The following HECA variants were observed in gnomAD, a reference collection of about 807,000 sequenced individuals.
HECA encodes HECA ribonucleoprotein granule regulator.
HECA carries 13 observed loss-of-function variants against 37.6 expected under a neutral mutation model. The observed-to-expected ratio is 0.35, with a 90% confidence interval of 0.23 to 0.55. The LOEUF (loss-of-function observed/expected upper bound fraction) is 0.55. Ranked by LOEUF, HECA falls within the 20% of genes least tolerant of loss-of-function variation. The pLI is 0.90. For missense variants in HECA, 527 were observed against 701.9 expected (o/e 0.75, Z 2.82); for synonymous variants, 307 against 291.5 (o/e 1.05, Z -0.54).
rs1357000887 is a variant in HECA at position 139,178,281 on chromosome 6, G to C, written c.*1176G>C. ...ATAGAACTTGATTAGTCAGAGCATTGGGCATTCCAAAATACAGCCTTTGGT... is the reference window on the plus strand; with the variant it reads ...ATAGAACTTGATTAGTCAGAGCATTCGGCATTCCAAAATACAGCCTTTGGT... On this transcript the variant is annotated 3_prime_UTR_variant, in exon 4 of 4. Coordinates refer to ENST00000367658, the MANE Select transcript of HECA (RefSeq NM_016217.3). The C allele has an allele frequency of 6.6e-6, 1 of 152,058 alleles. No individual in the cohort carries two copies. Among genetic ancestry groups the C allele is most frequent in the East Asian group, 1.9e-4 (1 of 5,192 alleles). The allele number at this position is 152,058 out of a possible 1,614,324, so 9.4% of individuals were successfully genotyped here.
chr6:139,147,540 G>A (rs949869972), intron 1 of HECA, among the ~76,000 whole-genome samples: 5 of 152,266 alleles, frequency 3.3e-5, no homozygotes, highest in South Asian at 2.1e-4. Context: ...TGGGAGGATC[G>A]CTTGAGCCCA....
chr6:139,157,563 T>C (rs1470477267), intron 1 of HECA, among the ~76,000 whole-genome samples: 1 of 152,256 alleles, frequency 6.6e-6, no homozygotes, highest in African/African-American at 2.4e-5. Context: ...ATTGAGTGAA[T>C]TATCTTATGC....
chr6:139,176,612 G>A lies in HECA; in HGVS notation c.1468-329G>A, dbSNP rs765649699. Among the ~76,000 whole-genome samples, 2 of 152,136 alleles carry A rather than the reference G, an allele frequency of 1.3e-5. No homozygotes were observed. Among genetic ancestry groups the A allele is most frequent in the Non-Finnish European group, 2.9e-5 (2 of 68,028 alleles). Reference sequence around the variant, plus strand: ...AAAAATGAAATTTCAAAGAAGTTTCGTGGAGGTTTGGGTGAGGGAAGTCAG... The same window carrying A: ...AAAAATGAAATTTCAAAGAAGTTTCATGGAGGTTTGGGTGAGGGAAGTCAG... On this transcript the variant is annotated intron_variant, in intron 3 of 3. Transcript: ENST00000367658. This position sits in a 1 kb window ranked among gnomAD's most constrained non-coding sequence, Gnocchi z 4.5.
In HECA at chr6:139,166,478, G is replaced by T. The variant is rs1335172573; in HGVS notation, c.466G>T (p.Glu156Ter). The change falls in exon 2 of 4, where the codon GAG becomes TAG. Residue 156 changes from glutamate to a stop codon, truncating the protein, a stop_gained. Coordinates refer to ENST00000367658, the MANE Select transcript of HECA (RefSeq NM_016217.3). LOFTEE classifies it high-confidence loss of function. Reference sequence around the variant, plus strand: ...CATCGGCCGCGCGCGCAGCTGGAACGAGAAGCAATGCCGCCAGAACATGTG... The same window carrying T: ...CATCGGCCGCGCGCGCAGCTGGAACTAGAAGCAATGCCGCCAGAACATGTG... ...NCIGRARSWN[E>*]KQCRQNMWTK... The T allele has an allele frequency of 6.2e-7, 1 of 1,614,072 alleles. No individual in the cohort carries two copies. Among genetic ancestry groups the T allele is most frequent in the African/African-American group, 1.3e-5 (1 of 74,952 alleles).
intron 1 of HECA, chr6:139,144,180 A>T (rs9495358): frequency 0.55 from 83,460 of 151,992 alleles, 23,837 homozygotes; most frequent in Non-Finnish European, 0.59. Context: ...TTAGATCCTA[A>T]TTCATTGTTT....
chr6:139,164,564 G>A (rs1219759640), intron 1 of HECA, among the ~76,000 whole-genome samples: 1 of 152,198 alleles, frequency 6.6e-6, no homozygotes, highest in Non-Finnish European at 1.5e-5. Flanking sequence ...AGGATGAGGA[G>A]AGAAATGCTG....
intron 1 of HECA, among the ~76,000 whole-genome samples, chr6:139,137,099 C>G (rs866978931): frequency 1.9e-4 from 29 of 152,136 alleles, no homozygotes; most frequent in African/African-American, 7.0e-4. Flanking sequence ...ACAAACTTAC[C>G]CCGTTTGTGA....
Position 139,161,255 on chromosome 6 carries a change from A to C in HECA, c.272-5029A>C, listed in dbSNP as rs1034207999. On this transcript the variant is annotated intron_variant, in intron 1 of 3. Coordinates refer to ENST00000367658, the MANE Select transcript of HECA (RefSeq NM_016217.3). ...ACCCTGCTGGTGTGTCATAGGGTGA[A>C]GTGTCTGTTGTGTGTATTACTGGGT... 5.2e-4 allele frequency among the ~76,000 whole-genome samples: 79 copies of C among 152,026 alleles called. 1 individual carries two copies. The highest frequency in any genetic ancestry group is 1.8e-4 in the Non-Finnish European group (12 of 68,016).
intron 1 of HECA, among the ~76,000 whole-genome samples, chr6:139,137,379 T>C (rs535611475): frequency 1.2e-3 from 188 of 152,282 alleles, no homozygotes; most frequent in Non-Finnish European, 2.1e-3. Context: ...CCCTTCCCTA[T>C]TATGCTCCCA....
intron 1 of HECA, among the ~76,000 whole-genome samples, chr6:139,157,068 A>G (rs1402521866): frequency 6.6e-6 from 1 of 152,240 alleles, no homozygotes; most frequent in Non-Finnish European, 1.5e-5. Flanking sequence ...CTGGTTGCCC[A>G]CTTTATGGTT....
chr6:139,139,945 A>G (rs1774494173), intron 1 of HECA, among the ~76,000 whole-genome samples: 1 of 152,202 alleles, frequency 6.6e-6, no homozygotes, highest in South Asian at 2.1e-4. Flanking sequence ...CTCACTAACA[A>G]CTAAATAGGC....
chr6:139,136,621 A>G (rs1004004045), intron 1 of HECA, among the ~76,000 whole-genome samples: 1 of 148,364 alleles, frequency 6.7e-6, no homozygotes, highest in African/African-American at 2.5e-5. Flanking sequence ...CTTTATGTAG[A>G]TCAGGCACTT....
Position 139,176,418 on chromosome 6 carries a change from G to A in HECA, c.1468-523G>A, listed in dbSNP as rs1193018163. Among the ~76,000 whole-genome samples the A allele has an allele frequency of 6.6e-6, 1 of 152,216 alleles. No homozygotes were observed. Among genetic ancestry groups the A allele is most frequent in the African/African-American group, 2.4e-5 (1 of 41,448 alleles). On this transcript the variant is annotated intron_variant, in intron 3 of 3. Transcript: ENST00000367658. The surrounding 1 kb of genome is among the most constrained non-coding windows in gnomAD (Gnocchi z 4.5). ...CTGGACCCATTGCTGAAAGGTTCCA[G>A]GACTGTGCTGTTACGGAGAGGCTAG...
intron 1 of HECA, among the ~76,000 whole-genome samples, chr6:139,155,138 A>C (rs1323770858): frequency 6.6e-6 from 1 of 152,222 alleles, no homozygotes; most frequent in East Asian, 1.9e-4. Flanking sequence ...CAGATGGTAT[A>C]CCCTGTTGCT....
chr6:139,176,247 G>A lies in HECA; in HGVS notation c.1468-694G>A, dbSNP rs1400780809. On this transcript the variant is annotated intron_variant, in intron 3 of 3. Coordinates refer to ENST00000367658, the MANE Select transcript of HECA (RefSeq NM_016217.3). The surrounding 1 kb of genome is among the most constrained non-coding windows in gnomAD (Gnocchi z 4.5). ...ATGGTGCTTTATCACATGTGCCTCAGTTGCATTATCTAAAAGTCAGCTAAT... is the reference window on the plus strand; with the variant it reads ...ATGGTGCTTTATCACATGTGCCTCAATTGCATTATCTAAAAGTCAGCTAAT... 6.6e-6 allele frequency among the ~76,000 whole-genome samples: 1 copy of A among 152,204 alleles called. No homozygotes were observed. Among genetic ancestry groups the A allele is most frequent in the Non-Finnish European group, 1.5e-5 (1 of 68,038 alleles).
At chr6:139,171,346 A>T (rs896382903) in intron 2 of HECA, among the ~76,000 whole-genome samples, 2 of 152,238 alleles carry the variant, frequency 1.3e-5, no homozygotes, top group East Asian at 3.8e-4. Context: ...GTGCGTATAT[A>T]TACACATCAA....
chr6:139,144,725 T>C (rs9495359), intron 1 of HECA: 108,023 of 152,118 alleles, frequency 0.71, 39,616 homozygotes, highest in African/African-American at 0.86. Context: ...TCTTTTAATA[T>C]AACTAATAAA....
Position 139,179,678 on chromosome 6 carries a change from G to C in HECA, c.*2573G>C, listed in dbSNP as rs913303900. 5 of 152,156 alleles carry C rather than the reference G, an allele frequency of 3.3e-5. No homozygotes were observed. The East Asian group carries it at 9.6e-4, about 29-fold the overall frequency. The allele number at this position is 152,156 out of a possible 1,614,324, so 9.4% of individuals were successfully genotyped here. The stretch of plus-strand genomic sequence containing the variant: ...ATAATCGAATATTCAACACCATGAA[G>C]ATAAATCTTATTTTGGAAATCTACT... On this transcript the variant is annotated 3_prime_UTR_variant, in exon 4 of 4. Transcript: ENST00000367658.
At chr6:139,163,540 G>C (rs1404307035) in intron 1 of HECA, among the ~76,000 whole-genome samples, 1 of 152,000 alleles carries the variant, frequency 6.6e-6, no homozygotes, top group African/African-American at 2.4e-5. Context: ...TTTTAGTAGA[G>C]ATGGGGTTTC....
Sources: gnomAD v4.1 joint callset for allele counts (sites outside exome capture counted in the v4.1 genomes callset) on GRCh38, gnomAD v4.1.1 for gene constraint, Gnocchi (gnomAD v3.1) non-coding constraint, MANE v1.5 for transcripts, NCBI Gene and HGNC (gene_info 2026-07-23, HGNC 2026-07-21) for gene names.